Variants in VMP1 observed in about 807,000 individuals in gnomAD.
VMP1 encodes ectopic P-granules autophagy protein 3 homolog.
VMP1 carries 11 observed loss-of-function variants against 56.0 expected under a neutral mutation model. The observed-to-expected ratio is 0.20, with a 90% CI of 0.12 to 0.32. The LOEUF is 0.32. VMP1 is among the 10% of genes least tolerant of loss of function. The probability of loss-of-function intolerance (pLI) is 1.00; values close to 1 mark genes in which losing one functional copy is unlikely to be tolerated. For synonymous variants in VMP1, 149 were observed against 165.0 expected, an observed-to-expected ratio of 0.90 and a Z score of 0.74; for missense variants, 296 against 490.3, an observed-to-expected ratio of 0.60 and a Z score of 3.74.
intron 1 of VMP1, among the ~76,000 whole-genome samples, chr17:59,715,233 T>C (rs1195920892): frequency 6.6e-6 from 1 of 152,216 alleles, no homozygotes; most frequent in Non-Finnish European, 1.5e-5. Context: ...CTTTGAGGGA[T>C]TTATTAGTGT....
chr17:59,712,099 A>G (rs753364504), intron 1 of VMP1, among the ~76,000 whole-genome samples: 54 of 152,220 alleles, frequency 3.5e-4, no homozygotes, highest in Non-Finnish European at 4.6e-4. Context: ...GAATAGGTTT[A>G]AATAAAGCAT....
chr17:59,723,482 A>T (rs1240333778), intron 1 of VMP1, among the ~76,000 whole-genome samples: 9 of 152,224 alleles, frequency 5.9e-5, no homozygotes, highest in Non-Finnish European at 1.5e-5. Context: ...ATTCAGTAAG[A>T]CATGTCCTTT....
At position 59,817,717 on chromosome 17, in the gene VMP1, T is replaced by G. The variant is rs747664439; in HGVS notation, c.918T>G (p.Ile306Met). The change falls in exon 10 of 12, where the codon ATT (isoleucine) becomes ATG (methionine). Residue 306 changes from isoleucine to methionine, a missense_variant. Transcript: ENST00000262291. ...KAIIKMHIQK[I>M]FVIITFSKHI... is the part of the protein sequence containing the mutation. Reference sequence around the variant, plus strand: ...AACTGGTGTTTTCTTTACAGAAAATTTTTGTTATAATAACATTCAGCAAGC... The same window carrying G: ...AACTGGTGTTTTCTTTACAGAAAATGTTTGTTATAATAACATTCAGCAAGC... The G allele has an allele frequency of 6.2e-7, 1 of 1,600,418 alleles. No homozygotes were observed. Among genetic ancestry groups the G allele is most frequent in the Non-Finnish European group, 8.5e-7 (1 of 1,175,246 alleles).
At chr17:59,765,425 G>A (rs1381988537) in intron 6 of VMP1, among the ~76,000 whole-genome samples, 2 of 152,200 alleles carry the variant, frequency 1.3e-5, no homozygotes, top group African/African-American at 4.8e-5. Flanking sequence ...CTTGAACCAT[G>A]TGTGGGTTAG....
At chr17:59,773,659 A>C (rs892158771) in intron 6 of VMP1, 95 bp from the exon 7 acceptor site, 3 of 1,239,892 alleles carry the variant, frequency 2.4e-6, no homozygotes, top group Non-Finnish European at 3.3e-6. Flanking sequence ...GCATCTCAAA[A>C]TGCTTCTGGT....
At chr17:59,758,190 CAT>C (rs2035918320) in intron 5 of VMP1, among the ~76,000 whole-genome samples, 1 of 152,070 alleles carries the variant, frequency 6.6e-6, no homozygotes, top group Non-Finnish European at 1.5e-5. Context: ...TACCTTGCCA[CAT>C]GTCACATCCT....
At chr17:59,760,012 G>C (rs2035990989) in intron 5 of VMP1, among the ~76,000 whole-genome samples, 1 of 149,148 alleles carries the variant, frequency 6.7e-6, no homozygotes, top group African/African-American at 2.5e-5. Context: ...TGTGGTCCCA[G>C]CTACTCGGGA....
rs76312010 is a variant in VMP1, at chr17:59,794,726, T to A, written c.715-14070T>A. Among the ~76,000 whole-genome samples the A allele has an allele frequency of 3.8e-3, 570 of 151,608 alleles. 23 individuals are homozygous for A. In the East Asian group the frequency reaches 0.088, roughly 23 times the overall value. ...TATATCTGAACATGGTAATAAATAC[T>A]GGAGTCAGCCCCCGAGAAAGCCTCC... On this transcript the variant is annotated intron_variant, in intron 7 of 11. Transcript: ENST00000262291.
At chr17:59,765,364 A>G (rs1239992655) in intron 6 of VMP1, among the ~76,000 whole-genome samples, 2 of 152,194 alleles carry the variant, frequency 1.3e-5, no homozygotes, top group African/African-American at 4.8e-5. Context: ...ACTGAGGCCA[A>G]GTAGACTCCA....
intron 7 of VMP1, among the ~76,000 whole-genome samples, chr17:59,792,879 T>TAATAATAATAATA (rs1378493314): frequency 0.051 from 3,393 of 66,868 alleles, 637 homozygotes; most frequent in Middle Eastern, 0.11. Context: ...TAATAATAAT[T>TAATAATAATAATA]ATTATTATTA....
chr17:59,733,920 C>A (rs1024128177), intron 2 of VMP1, among the ~76,000 whole-genome samples: 4 of 152,106 alleles, frequency 2.6e-5, no homozygotes, highest in African/African-American at 9.7e-5. Flanking sequence ...CTAACTTGCC[C>A]AAGATCACGT....
chr17:59,744,104 T>C (rs1015168624), intron 5 of VMP1, among the ~76,000 whole-genome samples: 2 of 151,492 alleles, frequency 1.3e-5, no homozygotes, highest in African/African-American at 4.9e-5. Context: ...TTTTTTTTTT[T>C]AAATCATGAA....
chr17:59,785,265 T>C (rs2036968051), intron 7 of VMP1, among the ~76,000 whole-genome samples: 1 of 152,250 alleles, frequency 6.6e-6, no homozygotes, highest in South Asian at 2.1e-4. Flanking sequence ...TTGGATTCTT[T>C]CTCACAGTGT....
chr17:59,771,849 G>C (rs896779270), intron 6 of VMP1, among the ~76,000 whole-genome samples: 5 of 151,838 alleles, frequency 3.3e-5, no homozygotes, highest in Admixed American at 3.3e-4. Flanking sequence ...CCAAAGTTCT[G>C]GGATGATAGG....
intron 7 of VMP1, among the ~76,000 whole-genome samples, chr17:59,806,194 G>A (rs2037836883): frequency 6.6e-6 from 1 of 152,064 alleles, no homozygotes; most frequent in Admixed American, 6.6e-5. Context: ...AGAAGGATAG[G>A]ATTAGTGAAA....
chr17:59,732,556 A>C (rs10545200), intron 2 of VMP1, among the ~76,000 whole-genome samples: 2 of 55,958 alleles, frequency 3.6e-5, no homozygotes, highest in Non-Finnish European at 6.7e-5. Flanking sequence ...TTTGTTTGTT[A>C]ATCACCATAT....
intron 1 of VMP1, among the ~76,000 whole-genome samples, chr17:59,723,838 C>G (rs1261000433): frequency 1.3e-5 from 2 of 152,120 alleles, no homozygotes; most frequent in Non-Finnish European, 2.9e-5. Flanking sequence ...GAGAAAAATG[C>G]TGACATGGGT....
At chr17:59,759,506 C>T (rs2035964719) in intron 5 of VMP1, among the ~76,000 whole-genome samples, 1 of 152,186 alleles carries the variant, frequency 6.6e-6, no homozygotes, top group Non-Finnish European at 1.5e-5. Context: ...GTCTGACTTC[C>T]TGAGAATTAG....
At chr17:59,817,246 CCTGGGCAA>C (rs147970496) in intron 9 of VMP1, among the ~76,000 whole-genome samples, 86,952 of 118,776 alleles carry the variant, frequency 0.73, 32,446 homozygotes, top group Middle Eastern at 0.82. Context: ...GGCACTCCAG[CCTGGGCAA>C]CTGGGCAATA....
Sources: allele counts gnomAD v4.1 joint callset (sites outside exome capture counted in the v4.1 genomes callset), GRCh38; gene constraint gnomAD v4.1.1; transcripts MANE v1.5; gene names NCBI Gene and HGNC (gene_info 2026-07-23, HGNC 2026-07-21).